The following CLVS1 variants were observed in gnomAD, a reference collection of about 807,000 sequenced individuals.
CLVS1 encodes clavesin 1, also known as clavesin-1.
In CLVS1, 10 loss-of-function variants were observed where a neutral mutation model predicts 33.1. The observed-to-expected ratio is 0.30, with a 90% CI of 0.19 to 0.51. The LOEUF (loss-of-function observed/expected upper bound fraction) is 0.51. Among genes scored for constraint, CLVS1 ranks in the 20% least tolerant of loss-of-function variants. The pLI, the probability that CLVS1 is intolerant of heterozygous loss-of-function variation, is 0.97. For synonymous variants in CLVS1, 163 were observed against 166.1 expected, an observed-to-expected ratio of 0.98 and a Z score of 0.14; for missense variants, 343 against 433.4, an observed-to-expected ratio of 0.79 and a Z score of 1.85.
chr8:61,431,342 C>A (rs925125125), intron 3 of CLVS1, among the ~76,000 whole-genome samples: 6 of 152,244 alleles, frequency 3.9e-5, no homozygotes, highest in Non-Finnish European at 7.3e-5. Flanking sequence ...ATTAAGTCTA[C>A]AGACATATCC....
chr8:61,178,794 C>T (rs112894909), intron 2 of CLVS1, among the ~76,000 whole-genome samples: 13 of 152,252 alleles, frequency 8.5e-5, no homozygotes, highest in African/African-American at 3.1e-4. Context: ...CAAGCAAATG[C>T]TGAGGGATTT....
At chr8:61,138,460 T>G (rs10107457) in intron 2 of CLVS1, among the ~76,000 whole-genome samples, 43,108 of 152,138 alleles carry the variant, frequency 0.28, 6,722 homozygotes, top group East Asian at 0.57. Flanking sequence ...ACTAAATGTC[T>G]AGCTAAAATG....
At chr8:61,024,151 T>C in the CLVS1 span, among the ~76,000 whole-genome samples, 13 of 152,344 alleles carry the variant, frequency 8.5e-5, no homozygotes, top group African/African-American at 3.1e-4. Flanking sequence ...TGATAAATTT[T>C]GTCATGTGTT....
At chr8:61,071,768 T>A (rs111846420) in intron 1 of CLVS1, among the ~76,000 whole-genome samples, 17 of 152,342 alleles carry the variant, frequency 1.1e-4, no homozygotes, top group African/African-American at 3.6e-4. Context: ...GACTGCTAGG[T>A]AATAAGACAT....
intron 1 of CLVS1, among the ~76,000 whole-genome samples, chr8:61,297,813 A>T (rs1310604773): frequency 2.6e-5 from 4 of 152,260 alleles, no homozygotes; most frequent in Middle Eastern, 3.4e-3. Context: ...GGAGTTACAG[A>T]AAAGAATGGT....
chr8:61,045,891 C>T, the CLVS1 span, among the ~76,000 whole-genome samples: 4 of 152,128 alleles, frequency 2.6e-5, no homozygotes, highest in Admixed American at 6.5e-5. Flanking sequence ...GATATTAGCC[C>T]TTTGTCAGAT....
intron 1 of CLVS1, among the ~76,000 whole-genome samples, chr8:61,078,047 G>C (rs1275177963): frequency 6.6e-6 from 1 of 152,190 alleles, no homozygotes; most frequent in African/African-American, 2.4e-5. Context: ...GAAGCCGAGG[G>C]GAGCGCTGAT....
At chr8:61,193,457 A>G (rs970376203) in intron 2 of CLVS1, among the ~76,000 whole-genome samples, 7 of 152,220 alleles carry the variant, frequency 4.6e-5, no homozygotes, top group Admixed American at 3.9e-4. Context: ...AACATGGCAC[A>G]TGTATACATA....
rs373094523 is a variant in CLVS1, at chr8:61,140,313, C to T, written c.-152+8453C>T. Among the ~76,000 whole-genome samples the T allele has an allele frequency of 2.6e-5, 4 of 152,270 alleles. No individual in the cohort carries two copies. The East Asian group carries it at 5.8e-4, about 22-fold the overall frequency. On this transcript the variant is annotated intron_variant, in intron 2 of 2. Coordinates refer to the CLVS1 transcript ENST00000522621. ...TTACCCTCAAAGCCCCAATTTCACC[C>T]GCACTCATGGTCTTGGTGTAAATGA...
chr8:61,001,497 A>G, the CLVS1 span, among the ~76,000 whole-genome samples: 2 of 152,238 alleles, frequency 1.3e-5, no homozygotes, highest in African/African-American at 4.8e-5. Flanking sequence ...GGTGAAAGAG[A>G]AGATTCGCAA....
chr8:61,271,497 T>G (rs1809437342), intron 2 of CLVS1, among the ~76,000 whole-genome samples: 1 of 149,088 alleles, frequency 6.7e-6, no homozygotes, highest in Admixed American at 6.7e-5. Context: ...TTCTGTTGAT[T>G]TGGGGTGGAG....
At chr8:61,180,017 T>A (rs1033907845) in intron 2 of CLVS1, among the ~76,000 whole-genome samples, 1 of 151,814 alleles carries the variant, frequency 6.6e-6, no homozygotes, top group African/African-American at 2.4e-5. Context: ...AATAGAAACA[T>A]GAGAAACCCT....
chr8:61,362,857 T>C (rs1487369053), intron 2 of CLVS1, among the ~76,000 whole-genome samples: 2 of 152,206 alleles, frequency 1.3e-5, no homozygotes, highest in Non-Finnish European at 2.9e-5. Flanking sequence ...ACAATATTTA[T>C]ATGTTGCCTC....
At chr8:61,252,031 C>T (rs1348083119) in intron 2 of CLVS1, among the ~76,000 whole-genome samples, 1 of 152,058 alleles carries the variant, frequency 6.6e-6, no homozygotes, top group Non-Finnish European at 1.5e-5. Flanking sequence ...TTAGATCTTG[C>T]CTGCTTTCTC....
Position 61,499,924 on chromosome 8 carries a change from G to A in CLVS1, c.*382G>A, listed in dbSNP as rs1438384095. 1.2e-5 allele frequency: 2 copies of A among 172,250 alleles called. No individual in the cohort carries two copies. The highest frequency in any genetic ancestry group is 5.6e-5 in the Admixed American group (1 of 17,732). 10.7% of individuals were successfully genotyped at this position (172,250 alleles called of 1,614,324 possible). On this transcript the variant is annotated 3_prime_UTR_variant, in exon 6 of 6. Transcript: ENST00000325897. ...ACCCTCTCCAGTTTTTGAAAATTAA[G>A]TGCATTTCCAAGTAAATGTATCAGA...
At chr8:61,191,477 T>G (rs6471939) in intron 2 of CLVS1, among the ~76,000 whole-genome samples, 1 of 152,016 alleles carries the variant, frequency 6.6e-6, no homozygotes, top group African/African-American at 2.4e-5. Flanking sequence ...GACAGGGATG[T>G]GCTCTCTCAC....
the CLVS1 span, among the ~76,000 whole-genome samples, chr8:61,020,564 C>A: frequency 2.6e-5 from 4 of 152,198 alleles, no homozygotes; most frequent in Non-Finnish European, 4.4e-5. Context: ...GAATACTCAG[C>A]TTTGGGGCTC....
chr8:61,088,380 C>T (rs1296541423), intron 1 of CLVS1, among the ~76,000 whole-genome samples: 1 of 151,436 alleles, frequency 6.6e-6, no homozygotes, highest in Non-Finnish European at 1.5e-5. Flanking sequence ...ATCCCAGCTA[C>T]TTGTGAGGCT....
At chr8:61,319,830 A>G (rs1181473426) in intron 2 of CLVS1, among the ~76,000 whole-genome samples, 5 of 152,128 alleles carry the variant, frequency 3.3e-5, no homozygotes, top group African/African-American at 1.2e-4. Flanking sequence ...CCTTATATTT[A>G]TTCACCTTTT....
Sources: allele counts gnomAD v4.1 joint callset (sites outside exome capture counted in the v4.1 genomes callset), GRCh38; gene constraint gnomAD v4.1.1; transcripts MANE v1.5; gene names NCBI Gene and HGNC (gene_info 2026-07-23, HGNC 2026-07-21).